NELL2: variants seen among roughly 807,000 people sequenced by gnomAD.
NELL2 encodes the protein neural EGFL like 2.
In NELL2, 41 loss-of-function variants were observed where a neutral mutation model predicts 109.6. That is an observed-to-expected ratio of 0.37 (90% confidence interval 0.29 to 0.49). The LOEUF (loss-of-function observed/expected upper bound fraction) is 0.49. Among genes scored for constraint, NELL2 ranks in the 20% least tolerant of loss-of-function variants. The pLI is 0.98. For missense variants in NELL2, 900 were observed against 1,008.3 expected (o/e 0.89, Z 1.45); for synonymous variants, 355 against 344.7 (o/e 1.03, Z -0.33).
At chr12:44,920,021 G>A (rs1566622461) in intron 1 of NELL2, among the ~76,000 whole-genome samples, 3 of 152,114 alleles carry the variant, frequency 2.0e-5, no homozygotes, top group Non-Finnish European at 4.4e-5. Flanking sequence ...TGGAAATAAA[G>A]TCTTTAAGCA....
upstream of NELL2, among the ~76,000 whole-genome samples, chr12:44,916,255 TA>T (rs1945828254): frequency 6.6e-6 from 1 of 152,080 alleles, no homozygotes; most frequent in Admixed American, 6.5e-5. Flanking sequence ...AGAAATAATT[TA>T]AAAGGAAAGA....
At chr12:44,823,935 A>C (rs1023922262) in intron 2 of NELL2, among the ~76,000 whole-genome samples, 1 of 152,182 alleles carries the variant, frequency 6.6e-6, no homozygotes, top group African/African-American at 2.4e-5. Context: ...TCATTTTAAC[A>C]GGTGTGAGGT....
chr12:44,664,452 T>C (rs1467388860), intron 13 of NELL2, among the ~76,000 whole-genome samples: 1 of 152,088 alleles, frequency 6.6e-6, no homozygotes. Flanking sequence ...GATCCTTCCC[T>C]GTGATAAGGC....
At chr12:44,722,354 C>T (rs1054563509) in intron 9 of NELL2, among the ~76,000 whole-genome samples, 2 of 152,138 alleles carry the variant, frequency 1.3e-5, no homozygotes, top group South Asian at 2.1e-4. Flanking sequence ...TTTGTAGAGA[C>T]AGGGTCTCAC....
intron 19 of NELL2, among the ~76,000 whole-genome samples, chr12:44,513,905 A>T (rs1941126138): frequency 6.6e-6 from 1 of 151,508 alleles, no homozygotes; most frequent in Non-Finnish European, 1.5e-5. Context: ...AAATGACATC[A>T]ACTTAGATAT....
At chr12:44,756,892 C>T (rs908038084) in intron 9 of NELL2, among the ~76,000 whole-genome samples, 2 of 152,156 alleles carry the variant, frequency 1.3e-5, no homozygotes, top group Admixed American at 6.6e-5. Flanking sequence ...TTAGCATCTA[C>T]ACCAATGACA....
intron 1 of NELL2, among the ~76,000 whole-genome samples, chr12:44,902,730 G>A (rs1256643480): frequency 6.6e-6 from 1 of 152,046 alleles, no homozygotes; most frequent in Non-Finnish European, 1.5e-5. Context: ...ACAGAACAGA[G>A]GCCTTAGAAA....
intron 15 of NELL2, among the ~76,000 whole-genome samples, chr12:44,598,883 A>ACACACTCTCTCT (rs1265603008): frequency 6.9e-6 from 1 of 143,940 alleles, no homozygotes; most frequent in Admixed American, 7.0e-5. Flanking sequence ...ACACACACAC[A>ACACACTCTCTCT]CTCTCTCTCT....
At chr12:44,653,131 G>A (rs1172605767) in intron 13 of NELL2, among the ~76,000 whole-genome samples, 1 of 152,022 alleles carries the variant, frequency 6.6e-6, no homozygotes, top group African/African-American at 2.4e-5. Context: ...TTTTTGGAGG[G>A]CTTTTATTCT....
intron 2 of NELL2, among the ~76,000 whole-genome samples, chr12:44,834,541 A>G (rs7973268): frequency 0.81 from 123,546 of 151,634 alleles, 50,761 homozygotes; most frequent in Middle Eastern, 0.95. Context: ...ACAAATACCC[A>G]GGGGGCCAGG....
intron 9 of NELL2, among the ~76,000 whole-genome samples, chr12:44,729,739 C>A (rs186470337): frequency 8.0e-5 from 12 of 150,876 alleles, no homozygotes; most frequent in African/African-American, 2.7e-4. Context: ...TACAGGCATG[C>A]GCCTGTACTA....
chr12:44,655,968 A>C (rs928955443), intron 13 of NELL2, among the ~76,000 whole-genome samples: 1 of 152,226 alleles, frequency 6.6e-6, no homozygotes, highest in Non-Finnish European at 1.5e-5. Context: ...TCAGGAAAAG[A>C]AAATTTGAAA....
chr12:44,515,970 T>C (rs1300434160), intron 19 of NELL2, among the ~76,000 whole-genome samples: 1 of 151,918 alleles, frequency 6.6e-6, no homozygotes, highest in Non-Finnish European at 1.5e-5. Context: ...ATAAAGTGAA[T>C]ATGTAATTAT....
At chr12:44,515,678 T>G (rs576371398) in intron 19 of NELL2, among the ~76,000 whole-genome samples, 1 of 152,058 alleles carries the variant, frequency 6.6e-6, no homozygotes, top group African/African-American at 2.4e-5. Flanking sequence ...GTCTGACTAC[T>G]AGGAATAATA....
intron 3 of NELL2, 113 bp downstream of exon 3, chr12:44,815,873 T>C: frequency 1.6e-6 from 2 of 1,224,082 alleles, no homozygotes. Context: ...CACCTCGGCT[T>C]CCCAAATCAT....
At chr12:44,571,020 T>G (rs1012088159) in intron 15 of NELL2, among the ~76,000 whole-genome samples, 1 of 152,184 alleles carries the variant, frequency 6.6e-6, no homozygotes, top group Non-Finnish European at 1.5e-5. Context: ...AACAACCCTA[T>G]TGTGCTTTGT....
intron 12 of NELL2, among the ~76,000 whole-genome samples, chr12:44,697,448 A>T (rs1434772664): frequency 6.6e-6 from 1 of 152,182 alleles, no homozygotes; most frequent in Admixed American, 6.5e-5. Context: ...ATCCAGGGAA[A>T]ATCCACACAG....
chr12:44,511,912 A>G (rs1276436450), intron 19 of NELL2, among the ~76,000 whole-genome samples: 1 of 152,200 alleles, frequency 6.6e-6, no homozygotes, highest in Non-Finnish European at 1.5e-5. Context: ...GCTTCAGGAC[A>G]CAGGTCTAGG....
At chr12:44,530,894 A>G (rs1389705706) in intron 16 of NELL2, among the ~76,000 whole-genome samples, 1 of 152,144 alleles carries the variant, frequency 6.6e-6, no homozygotes, top group Non-Finnish European at 1.5e-5. Flanking sequence ...CTGTGCACAA[A>G]TCCCTGACCC....
Sources: allele counts gnomAD v4.1 joint callset (sites outside exome capture counted in the v4.1 genomes callset), GRCh38; gene constraint gnomAD v4.1.1; transcripts MANE v1.5; gene names NCBI Gene and HGNC (gene_info 2026-07-23, HGNC 2026-07-21).